Variants in CAMK2A observed in about 807,000 individuals in gnomAD.
CAMK2A encodes the protein calcium/calmodulin dependent protein kinase II alpha, also known as calcium/calmodulin-dependent protein kinase type II subunit alpha.
Under a neutral mutation model 79.2 loss-of-function variants are expected in CAMK2A, and 7 were observed. That is an observed-to-expected ratio of 0.09 (90% confidence interval 0.05 to 0.17). The LOEUF (loss-of-function observed/expected upper bound fraction) is 0.17, where lower values mean the gene tolerates loss of function less well. Among genes scored for constraint, CAMK2A ranks in the 10% least tolerant of loss-of-function variants. The probability of loss-of-function intolerance (pLI) is 1.00; values close to 1 mark genes in which losing one functional copy is unlikely to be tolerated. For missense variants in CAMK2A, 214 were observed against 646.4 expected (o/e 0.33, Z 7.25); for synonymous variants, 242 against 251.7 (o/e 0.96, Z 0.36).
chr5:150,222,752 T>C, intron 18 of CAMK2A, 39 bp from the exon 19 acceptor site: 1 of 1,613,426 alleles, frequency 6.2e-7, no homozygotes, highest in Non-Finnish European at 8.5e-7. Context: ...GGGCATGGTG[T>C]TTCCTGCTTG....
chr5:150,276,665 A>G (rs748402496), intron 1 of CAMK2A, among the ~76,000 whole-genome samples: 1 of 152,200 alleles, frequency 6.6e-6, no homozygotes, highest in Non-Finnish European at 1.5e-5. Context: ...CTCCAGGAAG[A>G]GAAGGGCAGG....
chr5:150,264,448 G>A (rs1756421789), intron 3 of CAMK2A, among the ~76,000 whole-genome samples: 2 of 152,246 alleles, frequency 1.3e-5, no homozygotes, highest in Admixed American at 1.3e-4. Context: ...CATCCCCACG[G>A]GTTCTGCTGC....
At chr5:150,228,415 G>A (rs1754698745) in intron 16 of CAMK2A, 129 bp from the exon 17 acceptor site, 1 of 651,864 alleles carries the variant, frequency 1.5e-6, no homozygotes, top group African/African-American at 1.8e-5. Context: ...GATGGGAAGG[G>A]GCCAGGGGCT....
At chr5:150,257,671 C>T (rs561523370) in intron 3 of CAMK2A, 54 bp from the exon 4 acceptor site, 34 of 1,385,952 alleles carry the variant, frequency 2.5e-5, no homozygotes, top group South Asian at 2.0e-4. Context: ...TGCACAGGCC[C>T]GCCCTCCCTC....
In CAMK2A at chr5:150,264,486, C is replaced by T. The variant is rs372677533; in HGVS notation, c.217+470G>A. 3.3e-4 allele frequency among the ~76,000 whole-genome samples: 50 copies of T among 152,350 alleles called. 3 individuals are homozygous for T. The highest frequency in any genetic ancestry group is 3.1e-3 in the South Asian group (15 of 4,832). On this transcript the variant is annotated intron_variant, in intron 3 of 18. Coordinates refer to ENST00000671881, the MANE Select transcript of CAMK2A (RefSeq NM_015981.4). ...TGGCTCTGTCCCAGCCTGCCATGGCCCAGCCTCTCCATGCAGCCTGTGCCC... is the reference window on the plus strand; with the variant it reads ...TGGCTCTGTCCCAGCCTGCCATGGCTCAGCCTCTCCATGCAGCCTGTGCCC...
At position 150,256,873 on chromosome 5, in the gene CAMK2A, A is replaced by T. The variant is rs767229657; in HGVS notation, c.273-42T>A. ...GGAATCACCCTCTAATAGAGGCGAC[A>T]GGTGCTGCCTCATCTGGAGGAGTCT... On this transcript the variant is annotated intron_variant, in intron 4 of 18. Transcript: ENST00000671881. The surrounding 1 kb of genome is among the most constrained non-coding windows in gnomAD (Gnocchi z 4.6). 1.3e-6 allele frequency: 2 copies of T among 1,540,788 alleles called. No individual in the cohort carries two copies. The highest frequency in any genetic ancestry group is 2.7e-5 in the African/African-American group (2 of 73,338).
At chr5:150,233,899 C>A (rs1305352402) in intron 15 of CAMK2A, among the ~76,000 whole-genome samples, 8 of 152,096 alleles carry the variant, frequency 5.3e-5, no homozygotes, top group African/African-American at 1.9e-4. Flanking sequence ...TGCAACCTCC[C>A]CCTCGTGGGT....
At position 150,222,293 on chromosome 5, in the gene CAMK2A, A is replaced by C; in HGVS notation, c.*417T>G. ...TTCCCCGGGGACACTGGAAGAGGAG[A>C]GGTCTGGGAGAGGGACGGACGGATG... On this transcript the variant is annotated 3_prime_UTR_variant, in exon 19 of 19. Coordinates refer to ENST00000671881, the MANE Select transcript of CAMK2A (RefSeq NM_015981.4). The C allele has an allele frequency of 1.0e-5, 6 of 583,802 alleles. No homozygotes were observed. The highest frequency in any genetic ancestry group is 1.8e-5 in the Non-Finnish European group (6 of 326,228). 36.2% of individuals were successfully genotyped at this position (583,802 alleles called of 1,614,324 possible).
At chr5:150,230,925 G>A (rs1007444846) in intron 16 of CAMK2A, among the ~76,000 whole-genome samples, 1 of 152,138 alleles carries the variant, frequency 6.6e-6, no homozygotes, top group African/African-American at 2.4e-5. Flanking sequence ...CAGGCCTACT[G>A]GGCAGGAATG....
At chr5:150,226,453 T>C (rs1754600200) in intron 17 of CAMK2A, among the ~76,000 whole-genome samples, 1 of 152,034 alleles carries the variant, frequency 6.6e-6, no homozygotes, top group Admixed American at 6.5e-5. Context: ...AAGTATTTCC[T>C]GGGGTGGGCT....
intron 7 of CAMK2A, among the ~76,000 whole-genome samples, chr5:150,252,641 G>A (rs911952111): frequency 3.9e-5 from 6 of 152,114 alleles, no homozygotes; most frequent in Admixed American, 1.3e-4. Flanking sequence ...TTGTTGAGCC[G>A]GTCAGTTCAA....
At position 150,250,926 on chromosome 5, in the gene CAMK2A, A is replaced by T; in HGVS notation, c.694-116T>A. The T allele has an allele frequency of 2.5e-6, 3 of 1,200,966 alleles. No homozygotes were observed. The East Asian group carries it at 7.2e-5, about 29-fold the overall frequency. 74.4% of individuals were successfully genotyped at this position (1,200,966 alleles called of 1,614,324 possible). On this transcript the variant is annotated intron_variant, in intron 9 of 18. Transcript: ENST00000671881. ...GGTCCTACTGCCCATCCACTCGGAC[A>T]TCCACACCAGGAGGAGTTGGGGCTC...
At chr5:150,230,607 G>A (rs1754798645) in intron 16 of CAMK2A, among the ~76,000 whole-genome samples, 1 of 152,224 alleles carries the variant, frequency 6.6e-6, no homozygotes, top group Non-Finnish European at 1.5e-5. Flanking sequence ...TGCTCTCCCG[G>A]GGGCCAGCTG....
chr5:150,254,474 G>A (rs1199240295), intron 6 of CAMK2A, among the ~76,000 whole-genome samples: 1 of 152,214 alleles, frequency 6.6e-6, no homozygotes, highest in Non-Finnish European at 1.5e-5. Flanking sequence ...TCGAGGCAAA[G>A]TCTGACTCTA....
chr5:150,259,485 G>C (rs1329410515), intron 3 of CAMK2A, among the ~76,000 whole-genome samples: 1 of 152,052 alleles, frequency 6.6e-6, no homozygotes, highest in Non-Finnish European at 1.5e-5. Context: ...TTGCCCCACT[G>C]CATTCCAGCC....
Position 150,235,095 on chromosome 5 carries a change from T to C in CAMK2A, c.1066+3605A>G, listed in dbSNP as rs73281754. Among the ~76,000 whole-genome samples the C allele has an allele frequency of 4.5e-3, 690 of 152,324 alleles. 6 individuals are homozygous for C. Among genetic ancestry groups the C allele is most frequent in the African/African-American group, 0.016 (666 of 41,560 alleles). Reference sequence around the variant, plus strand: ...GTGGCCTGAATAATGCAGAATATCATGTCTGGGGTAGCACTCTCTATCCCC... The same window carrying C: ...GTGGCCTGAATAATGCAGAATATCACGTCTGGGGTAGCACTCTCTATCCCC... On this transcript the variant is annotated intron_variant, in intron 15 of 18. Transcript: ENST00000671881.
Position 150,221,250 on chromosome 5 carries a change from A to T in CAMK2A, c.*1460T>A. 2.5e-6 allele frequency: 1 copy of T among 396,684 alleles called. No individual in the cohort carries two copies. 24.6% of individuals were successfully genotyped at this position (396,684 alleles called of 1,614,324 possible). A position where few individuals can be genotyped will look rare whatever the true frequency, so the allele number is the denominator to read the frequency against. ...CAGTGCAGACAGTAGATCCTAGTGG[A>T]TGTGCCAAGGTATTCCACTCAGAGT... is the stretch of plus-strand genomic sequence containing the variant. On this transcript the variant is annotated 3_prime_UTR_variant, in exon 19 of 19. Coordinates refer to ENST00000671881, the MANE Select transcript of CAMK2A (RefSeq NM_015981.4).
At chr5:150,251,346 CCT>C (rs1467815060) in intron 9 of CAMK2A, among the ~76,000 whole-genome samples, 1 of 152,184 alleles carries the variant, frequency 6.6e-6, no homozygotes, top group African/African-American at 2.4e-5. Context: ...AGTTACTTGA[CCT>C]CTCTGTATGT....
chr5:150,289,131 C>A (rs1757557554), intron 1 of CAMK2A, among the ~76,000 whole-genome samples: 1 of 152,214 alleles, frequency 6.6e-6, no homozygotes, highest in Non-Finnish European at 1.5e-5. Flanking sequence ...CTGGTGAATT[C>A]TCTGTCACTG....
Sources: gnomAD v4.1 joint callset for allele counts (sites outside exome capture counted in the v4.1 genomes callset) on GRCh38, gnomAD v4.1.1 for gene constraint, Gnocchi (gnomAD v3.1) non-coding constraint, MANE v1.5 for transcripts, NCBI Gene and HGNC (gene_info 2026-07-23, HGNC 2026-07-21) for gene names.